The following PPFIBP1 variants were observed in gnomAD, a reference collection of about 807,000 sequenced individuals.
The protein encoded by PPFIBP1 is PPFIB scaffold protein 1.
Under a neutral mutation model 137.8 loss-of-function variants are expected in PPFIBP1, and 112 were observed. That is an observed-to-expected ratio of 0.81 (90% confidence interval 0.70 to 0.95). The LOEUF is 0.95. Among genes scored for constraint, PPFIBP1 ranks in the 40% least tolerant of loss-of-function variants. PPFIBP1 has a pLI of 0.00. For synonymous variants in PPFIBP1, 378 were observed against 417.3 expected, an observed-to-expected ratio of 0.91 and a Z score of 1.15; for missense variants, 1,083 against 1,196.6, an observed-to-expected ratio of 0.91 and a Z score of 1.40.
intron 5 of PPFIBP1, 100 bp downstream of exon 5, chr12:27,646,248 A>C (rs774803829): frequency 3.3e-6 from 3 of 901,114 alleles, no homozygotes; most frequent in Middle Eastern, 2.1e-4. Flanking sequence ...TCAGACTGCT[A>C]ATAGAAATAA....
rs570650695 is a variant in PPFIBP1, at chr12:27,664,518, C to T, written c.991+72C>T. 1.1e-4 allele frequency: 116 copies of T among 1,030,952 alleles called. No homozygotes were observed. In the South Asian group the frequency reaches 1.5e-3, roughly 13 times the overall value. 63.9% of individuals were successfully genotyped at this position (1,030,952 alleles called of 1,614,324 possible). On this transcript the variant is annotated intron_variant, in intron 12 of 29. Transcript: ENST00000228425. ...GGCTATAAACTTACACATTTGGCCT[C>T]AATTTCTTTCCTGGATCATACCCAT...
intron 1 of PPFIBP1, among the ~76,000 whole-genome samples, chr12:27,526,870 C>T (rs532887541): frequency 6.6e-6 from 1 of 152,212 alleles, no homozygotes; most frequent in East Asian, 1.9e-4. Context: ...TTAAGGTCAT[C>T]TGGCCTTAAT....
chr12:27,646,022 T>A, intron 4 of PPFIBP1, 40 bp from the exon 5 acceptor site: 1 of 1,399,442 alleles, frequency 7.1e-7, no homozygotes. Flanking sequence ...ATATCATTCT[T>A]AGAGAAGATC....
At chr12:27,555,949 T>C (rs930553209) in intron 1 of PPFIBP1, among the ~76,000 whole-genome samples, 3 of 152,238 alleles carry the variant, frequency 2.0e-5, no homozygotes, top group African/African-American at 7.2e-5. Flanking sequence ...ATGCAGTGTT[T>C]AGAACTTAAA....
chr12:27,549,945 C>T (rs554287656), intron 1 of PPFIBP1, among the ~76,000 whole-genome samples: 6 of 152,178 alleles, frequency 3.9e-5, no homozygotes, highest in Admixed American at 2.0e-4. Flanking sequence ...CGTAACCTCC[C>T]GGAGAGTCAG....
chr12:27,595,034 A>G (rs1313883007), intron 2 of PPFIBP1, among the ~76,000 whole-genome samples: 3 of 152,222 alleles, frequency 2.0e-5, no homozygotes, highest in Non-Finnish European at 2.9e-5. Flanking sequence ...ATCTTTGACT[A>G]TGACCCTTAT....
At chr12:27,584,325 A>G (rs1322320682) in intron 2 of PPFIBP1, 1 of 152,278 alleles carries the variant, frequency 6.6e-6, no homozygotes, top group African/African-American at 2.4e-5. Context: ...GACAAGTACA[A>G]ACGTGTGAAA....
intron 2 of PPFIBP1, among the ~76,000 whole-genome samples, chr12:27,630,790 T>C (rs7969049): frequency 0.32 from 48,484 of 152,062 alleles, 8,352 homozygotes; most frequent in Middle Eastern, 0.39. Flanking sequence ...TCTGAGTCTC[T>C]GCTGTTATAT....
chr12:27,589,774 A>G (rs976740687), intron 2 of PPFIBP1, among the ~76,000 whole-genome samples: 10 of 152,252 alleles, frequency 6.6e-5, no homozygotes, highest in Admixed American at 6.5e-4. Flanking sequence ...TTAAAATAAT[A>G]AAACTGGTTG....
rs548259851 is a variant in PPFIBP1, at chr12:27,601,396, A to G, written c.-36+23157A>G. 3.3e-4 allele frequency among the ~76,000 whole-genome samples: 51 copies of G among 152,274 alleles called. 2 individuals carry two copies. Among genetic ancestry groups the G allele is most frequent in the African/African-American group, 9.9e-4 (41 of 41,568 alleles). ...ATGCTCTGTTTGCATGTTCATTCCC[A>G]AACAGATACAACCTTATCAAGGCTC... On this transcript the variant is annotated intron_variant, in intron 2 of 29. Coordinates refer to ENST00000228425, the MANE Select transcript of PPFIBP1 (RefSeq NM_003622.4).
intron 1 of PPFIBP1, among the ~76,000 whole-genome samples, chr12:27,531,525 A>G (rs1348332008): frequency 6.6e-6 from 1 of 150,678 alleles, no homozygotes; most frequent in Non-Finnish European, 1.5e-5. Flanking sequence ...CTGGTCTCAA[A>G]CTCCTGATCT....
chr12:27,591,928 C>T (rs2052564461), intron 2 of PPFIBP1, among the ~76,000 whole-genome samples: 1 of 152,204 alleles, frequency 6.6e-6, no homozygotes, highest in African/African-American at 2.4e-5. Flanking sequence ...CAAGTTCAAG[C>T]CAAATCATCC....
chr12:27,566,536 G>C (rs2049689770), intron 1 of PPFIBP1, among the ~76,000 whole-genome samples: 1 of 152,218 alleles, frequency 6.6e-6, no homozygotes, highest in Admixed American at 6.5e-5. Context: ...GTGAAGAAAA[G>C]AGGTAGTCCC....
chr12:27,634,319 A>G (rs577414689), intron 3 of PPFIBP1, among the ~76,000 whole-genome samples: 1 of 152,142 alleles, frequency 6.6e-6, no homozygotes, highest in South Asian at 2.1e-4. Context: ...ACGCCACTGC[A>G]CTTAGCTCGT....
intron 5 of PPFIBP1, among the ~76,000 whole-genome samples, chr12:27,647,329 TTTTTCTTA>T (rs2058582875): frequency 6.6e-6 from 1 of 152,198 alleles, no homozygotes; most frequent in Admixed American, 6.5e-5. Flanking sequence ...GGCCAGGTTC[TTTTTCTTA>T]TTCTCCTTGA....
intron 22 of PPFIBP1, among the ~76,000 whole-genome samples, chr12:27,681,906 A>G (rs1281528537): frequency 6.6e-6 from 1 of 152,130 alleles, no homozygotes; most frequent in Non-Finnish European, 1.5e-5. Flanking sequence ...CACTTAAGCC[A>G]TTGGGCATTT....
chr12:27,558,080 T>C (rs1252954295), intron 1 of PPFIBP1, among the ~76,000 whole-genome samples: 1 of 152,212 alleles, frequency 6.6e-6, no homozygotes, highest in Non-Finnish European at 1.5e-5. Flanking sequence ...GAAAGTGTTC[T>C]TTCTACATAC....
In PPFIBP1 at chr12:27,660,846, G is replaced by A. The variant is rs1252244867; in HGVS notation, c.845-38G>A. ...ATAACTTCTTATCACTGTCACACAT[G>A]TGAACTGAACTGACTTCTGATTTGA... On this transcript the variant is annotated intron_variant, in intron 10 of 29. Transcript: ENST00000228425. The A allele has an allele frequency of 1.9e-6, 3 of 1,605,256 alleles. No homozygotes were observed. In the African/African-American group the frequency reaches 4.0e-5, roughly 22 times the overall value.
chr12:27,673,687 A>G, intron 15 of PPFIBP1, 80 bp from the exon 16 acceptor site: 1 of 1,225,512 alleles, frequency 8.2e-7, no homozygotes, highest in African/African-American at 1.5e-5. Flanking sequence ...ACGCAATTTT[A>G]GTTTCTTTCC....
Sources: allele counts gnomAD v4.1 joint callset (sites outside exome capture counted in the v4.1 genomes callset), GRCh38; gene constraint gnomAD v4.1.1; transcripts MANE v1.5; gene names NCBI Gene and HGNC (gene_info 2026-07-23, HGNC 2026-07-21).